Variants in ACTN1 observed in about 807,000 individuals in gnomAD.
ACTN1 encodes alpha-actinin-1.
In ACTN1, 30 loss-of-function variants were observed where a neutral mutation model predicts 119.6. That is an observed-to-expected ratio of 0.25 (90% CI 0.19 to 0.34). The LOEUF is 0.34. ACTN1 is among the 10% of genes least tolerant of loss of function. ACTN1 has a pLI of 1.00. For synonymous variants in ACTN1, 429 were observed against 472.6 expected (o/e 0.91, Z 1.20); for missense variants, 764 against 1,223.4 (o/e 0.62, Z 5.60).
chr14:68,874,713 C>T lies in ACTN1; in HGVS notation c.*146G>A. The T allele has an allele frequency of 4.1e-6, 3 of 735,012 alleles. No individual in the cohort carries two copies. The highest frequency in any genetic ancestry group is 5.9e-6 in the Non-Finnish European group (3 of 512,562). The allele number at this position is 735,012 out of a possible 1,614,324, so 45.5% of individuals were successfully genotyped here. A position where few individuals can be genotyped will look rare whatever the true frequency, so the allele number is the denominator to read the frequency against. On this transcript the variant is annotated 3_prime_UTR_variant, in exon 22 of 22. Coordinates refer to ENST00000394419, the MANE Select transcript of ACTN1 (RefSeq NM_001130004.2). Reference sequence around the variant, plus strand: ...AATAATTTTGTAAACTGTCACTTCGCGGGCAGGGAGGATCGATGCCACGTG... The same window carrying T: ...AATAATTTTGTAAACTGTCACTTCGTGGGCAGGGAGGATCGATGCCACGTG...
intron 4 of ACTN1, among the ~76,000 whole-genome samples, 194 bp downstream of exon 4, chr14:68,911,962 T>C (rs1259569192): frequency 6.6e-6 from 1 of 152,244 alleles, no homozygotes. Context: ...AACATGCCTA[T>C]GAGAATCAGA....
rs559406036 is a variant in ACTN1, at chr14:68,944,090, G to A, written c.106-18418C>T. ...ACAGGGCAGCCCAGGACACTTCAAC[G>A]CTTAAAGCCAGCCACGAGAGGAGGC... On this transcript the variant is annotated intron_variant, in intron 1 of 21. Transcript: ENST00000394419. Among the ~76,000 whole-genome samples, 546 of 152,320 alleles carry A rather than the reference G, an allele frequency of 3.6e-3. 4 individuals are homozygous for A. Among genetic ancestry groups the A allele is most frequent in the Non-Finnish European group, 5.9e-3 (403 of 68,034 alleles).
At chr14:68,918,299 T>C (rs1047381119) in intron 3 of ACTN1, among the ~76,000 whole-genome samples, 4 of 152,080 alleles carry the variant, frequency 2.6e-5, no homozygotes, top group Non-Finnish European at 5.9e-5. Context: ...GTGAAAGTTC[T>C]GGCCGGGCGC....
At position 68,979,081 on chromosome 14, in the gene ACTN1, G is replaced by T; in HGVS notation, c.-25C>A. 6.7e-7 allele frequency: 1 copy of T among 1,493,898 alleles called. No homozygotes were observed. Among genetic ancestry groups the T allele is most frequent in the Non-Finnish European group, 9.2e-7 (1 of 1,092,576 alleles). The allele number at this position is 1,493,898 out of a possible 1,614,324, so 92.5% of individuals were successfully genotyped here. A position where few individuals can be genotyped will look rare whatever the true frequency, so the allele number is the denominator to read the frequency against. ...TGATGGTGCGCGCGTGCTAGGGTCTGGATTTCTTCCTCCACCTTCTCTCTG... is the reference window on the plus strand; with the variant it reads ...TGATGGTGCGCGCGTGCTAGGGTCTTGATTTCTTCCTCCACCTTCTCTCTG... On this transcript the variant is annotated 5_prime_UTR_variant, in exon 1 of 22. Transcript: ENST00000394419.
intron 1 of ACTN1, chr14:68,978,258 T>A: frequency 2.2e-6 from 1 of 455,534 alleles, no homozygotes; most frequent in Non-Finnish European, 4.4e-6. Context: ...CGCAAGCCCA[T>A]GTCGGGGTTA....
At chr14:68,920,220 G>A (rs1309577426) in intron 3 of ACTN1, among the ~76,000 whole-genome samples, 1 of 152,236 alleles carries the variant, frequency 6.6e-6, no homozygotes, top group South Asian at 2.1e-4. Flanking sequence ...GGGTTGTTGT[G>A]AGGATTAAGT....
intron 8 of ACTN1, among the ~76,000 whole-genome samples, chr14:68,899,944 G>T (rs920983897): frequency 1.3e-5 from 2 of 152,184 alleles, no homozygotes; most frequent in Non-Finnish European, 2.9e-5. Flanking sequence ...AGGGGCCAGG[G>T]GAGGGGCACA....
chr14:68,909,338 C>A lies in ACTN1; in HGVS notation c.574G>T (p.Asp192Tyr). The change falls in exon 6 of 22, where the codon GAC becomes TAC. Residue 192 changes from aspartate to tyrosine, a missense_variant. Around this residue, in one of 4 missense-constraint regions of ACTN1, gnomAD observed 544 missense variants for 912.0 expected, o/e 0.60. Transcript: ENST00000394419. This position sits in a 1 kb window ranked among gnomAD's most constrained non-coding sequence, Gnocchi z 4.1. ...CATACCTTCCGCAGCTTCCCGTAGT[C>A]AATCAGCTCGGGCCGGTGTCGGTGG... ...LIHRHRPELI[D>Y]YGKLRKDDPL... 1 of 1,614,014 alleles carries A rather than the reference C, an allele frequency of 6.2e-7. No individual in the cohort carries two copies. The highest frequency in any genetic ancestry group is 1.1e-5 in the South Asian group (1 of 91,056).
At chr14:68,899,743 T>C (rs139903502) in intron 8 of ACTN1, among the ~76,000 whole-genome samples, 1 of 152,102 alleles carries the variant, frequency 6.6e-6, no homozygotes, top group Non-Finnish European at 1.5e-5. Context: ...CCAATGGGCA[T>C]GAAGCCCGGG....
In ACTN1 at chr14:68,882,499, G is replaced by C. The variant is rs1433025290; in HGVS notation, c.1912C>G (p.Gln638Glu). 6.2e-7 allele frequency: 1 copy of C among 1,614,080 alleles called. No individual in the cohort carries two copies. The highest frequency in any genetic ancestry group is 8.5e-7 in the Non-Finnish European group (1 of 1,180,054). ...ATCCAGGGCCCGATGACATTGGCCT[G>C]GGCTCCAAACTGCTTGCGTAGCCTC... is the stretch of plus-strand genomic sequence containing the variant. ...NERLRKQFGA[Q>E]ANVIGPWIQT... The change falls in exon 16 of 22, where the codon CAG becomes GAG. Residue 638 changes from glutamine to glutamate, a missense_variant. Gln to Glu is a conservative substitution (Grantham distance 29). Coordinates refer to ENST00000394419, the MANE Select transcript of ACTN1 (RefSeq NM_001130004.2). The surrounding 1 kb of genome is among the most constrained non-coding windows in gnomAD (Gnocchi z 4.5).
intron 1 of ACTN1, among the ~76,000 whole-genome samples, chr14:68,930,615 T>G (rs74337837): frequency 0.027 from 4,106 of 152,288 alleles, 197 homozygotes; most frequent in African/African-American, 0.092. Context: ...TCCATGGGAA[T>G]GCAAGGATTT....
At chr14:68,975,871 T>C (rs2037043480) in intron 1 of ACTN1, among the ~76,000 whole-genome samples, 1 of 152,212 alleles carries the variant, frequency 6.6e-6, no homozygotes, top group Non-Finnish European at 1.5e-5. Context: ...TCATGCCTCC[T>C]GCCTGCACAG....
intron 1 of ACTN1, among the ~76,000 whole-genome samples, chr14:68,955,107 C>T (rs2036310784): frequency 6.6e-6 from 1 of 152,230 alleles, no homozygotes; most frequent in African/African-American, 2.4e-5. Flanking sequence ...GCTTCCTGGT[C>T]CCCATATACA....
chr14:68,949,196 G>C (rs1299441645), intron 1 of ACTN1, among the ~76,000 whole-genome samples: 1 of 152,234 alleles, frequency 6.6e-6, no homozygotes, highest in African/African-American at 2.4e-5. Context: ...ACTGGAGGCA[G>C]GGGTGGGGGA....
intron 1 of ACTN1, among the ~76,000 whole-genome samples, chr14:68,935,520 G>A (rs1302493029): frequency 2.6e-5 from 4 of 151,388 alleles, no homozygotes; most frequent in Non-Finnish European, 4.4e-5. Context: ...TGAGTTGCTG[G>A]GACTACAGGC....
At chr14:68,951,449 G>C (rs2036165391) in intron 1 of ACTN1, among the ~76,000 whole-genome samples, 1 of 152,170 alleles carries the variant, frequency 6.6e-6, no homozygotes, top group South Asian at 2.1e-4. Flanking sequence ...GGACAAGACA[G>C]GGCCTTCTCT....
Position 68,979,076 on chromosome 14 carries a change from G to C in ACTN1, c.-20C>G, listed in dbSNP as rs757893892. ...GTCCATGATGGTGCGCGCGTGCTAG[G>C]GTCTGGATTTCTTCCTCCACCTTCT... On this transcript the variant is annotated 5_prime_UTR_variant, in exon 1 of 22. Coordinates refer to ENST00000394419, the MANE Select transcript of ACTN1 (RefSeq NM_001130004.2). The C allele has an allele frequency of 2.6e-6, 4 of 1,538,418 alleles. No homozygotes were observed. The highest frequency in any genetic ancestry group is 2.8e-5 in the African/African-American group (2 of 71,426).
rs1461637167 is a variant in ACTN1, at chr14:68,879,718, A to AG, written c.2280+243dup. The AG allele has an allele frequency of 4.3e-6, 2 of 463,638 alleles. No individual in the cohort carries two copies. Among genetic ancestry groups the AG allele is most frequent in the Admixed American group, 3.4e-5 (1 of 29,378 alleles). 28.7% of individuals were successfully genotyped at this position (463,638 alleles called of 1,614,324 possible). A position where few individuals can be genotyped will look rare whatever the true frequency, so the allele number is the denominator to read the frequency against. On this transcript the variant is annotated intron_variant, in intron 18 of 21. Transcript: ENST00000394419. The surrounding 1 kb of genome is among the most constrained non-coding windows in gnomAD (Gnocchi z 4.9). Reference sequence around the variant, plus strand: ...TAGGAGAGCAAGGATCAGGGGTCAAAGGTCCTCTTTCTACCCACAGTCTGA... The same window carrying AG: ...TAGGAGAGCAAGGATCAGGGGTCAAAGGGTCCTCTTTCTACCCACAGTCTGA...
chr14:68,904,431 C>T (rs2033539429), intron 7 of ACTN1, among the ~76,000 whole-genome samples: 1 of 152,220 alleles, frequency 6.6e-6, no homozygotes, highest in African/African-American at 2.4e-5. Flanking sequence ...GATGCAAGAA[C>T]AGCCCCTAAG....
Sources: allele counts gnomAD v4.1 joint callset (sites outside exome capture counted in the v4.1 genomes callset), GRCh38; gene constraint gnomAD v4.1.1; regional missense constraint gnomAD v4.1.1; non-coding constraint Gnocchi (gnomAD v3.1); transcripts MANE v1.5; gene names NCBI Gene and HGNC (gene_info 2026-07-23, HGNC 2026-07-21).